Variants in NBEAL1 observed in about 807,000 individuals in gnomAD.
The protein encoded by NBEAL1 is neurobeachin-like protein 1.
In NBEAL1, 273 loss-of-function variants were observed where a neutral mutation model predicts 351.3. The ratio of observed to expected loss-of-function variants is 0.78; its 90% CI spans 0.70 to 0.86. NBEAL1 has a LOEUF of 0.86. NBEAL1 is among the 40% of genes least tolerant of loss of function. The pLI, the probability that NBEAL1 is intolerant of heterozygous loss-of-function variation, is 0.00. For synonymous variants in NBEAL1, 1,050 were observed against 1,086.4 expected, an observed-to-expected ratio of 0.97 and a Z score of 0.66; for missense variants, 2,961 against 3,201.3, an observed-to-expected ratio of 0.92 and a Z score of 1.81.
intron 44 of NBEAL1, among the ~76,000 whole-genome samples, chr2:203,183,740 A>G (rs1456219269): frequency 2.0e-5 from 3 of 152,148 alleles, no homozygotes; most frequent in African/African-American, 7.2e-5. Context: ...GGATGAGTAC[A>G]TTTTTGTTTT....
At chr2:203,091,606 ATG>A (rs2106187843) in intron 10 of NBEAL1, among the ~76,000 whole-genome samples, 1 of 152,274 alleles carries the variant, frequency 6.6e-6, no homozygotes, top group Non-Finnish European at 1.5e-5. Context: ...AAAGTTTTCA[ATG>A]TCTACACATC....
intron 35 of NBEAL1, among the ~76,000 whole-genome samples, chr2:203,156,049 A>G (rs1338201339): frequency 6.6e-6 from 1 of 152,168 alleles, no homozygotes; most frequent in African/African-American, 2.4e-5. Context: ...ACATTTCTGA[A>G]ACTGAATTTA....
intron 55 of NBEAL1, among the ~76,000 whole-genome samples, chr2:203,216,699 C>T (rs187530606): frequency 1.7e-4 from 26 of 152,142 alleles, no homozygotes; most frequent in African/African-American, 4.1e-4. Context: ...TTTGACATAA[C>T]GAGGCCATTA....
rs543168022 is a variant in NBEAL1, at chr2:203,071,348, G to A, written c.598+2873G>A. ...TGTCCTCACATGTTGGAAAAAGACT[G>A]TTGTCTCTTCCTCTTCTTACAAGGG... On this transcript the variant is annotated intron_variant, in intron 7 of 55. Transcript: ENST00000683969. Among the ~76,000 whole-genome samples, 224 of 152,282 alleles carry A rather than the reference G, an allele frequency of 1.5e-3. 1 individual carries two copies. Among genetic ancestry groups the A allele is most frequent in the African/African-American group, 5.2e-3 (218 of 41,568 alleles).
intron 6 of NBEAL1, among the ~76,000 whole-genome samples, chr2:203,066,561 A>C (rs889146464): frequency 1.3e-5 from 2 of 151,868 alleles, no homozygotes; most frequent in Admixed American, 6.6e-5. Context: ...CGCCATCGTC[A>C]TCATGGCCCG....
intron 54 of NBEAL1, among the ~76,000 whole-genome samples, chr2:203,212,740 A>T (rs2065821236): frequency 6.6e-6 from 1 of 152,176 alleles, no homozygotes; most frequent in African/African-American, 2.4e-5. Flanking sequence ...ATTAGCACGG[A>T]TCTGAGTAGT....
chr2:203,194,809 C>T lies in NBEAL1; in HGVS notation c.7038+898C>T, dbSNP rs74490479. ...ACCCTGCATTGCAATATCACTGCAG[C>T]GTGTTTCTCAGATTCAATACCATGG... On this transcript the variant is annotated intron_variant, in intron 47 of 55. Coordinates refer to ENST00000683969, the MANE Select transcript of NBEAL1 (RefSeq NM_001378026.1). Among the ~76,000 whole-genome samples, 1,402 of 152,112 alleles carry T rather than the reference C, an allele frequency of 9.2e-3. 17 individuals are homozygous for T. The highest frequency in any genetic ancestry group is 0.032 in the African/African-American group (1,316 of 41,472).
At chr2:203,046,309 G>A (rs181247827) in intron 3 of NBEAL1, among the ~76,000 whole-genome samples, 2,917 of 152,020 alleles carry the variant, frequency 0.019, 43 homozygotes, top group Middle Eastern at 0.048. Context: ...TCTGCCTCCC[G>A]GGTTCACGCC....
In NBEAL1 at chr2:203,135,780, A is replaced by G. The variant is rs1332243635; in HGVS notation, c.3917A>G (p.Glu1306Gly). 2 of 1,609,644 alleles carry G rather than the reference A, an allele frequency of 1.2e-6. No homozygotes were observed. The highest frequency in any genetic ancestry group is 1.7e-6 in the Non-Finnish European group (2 of 1,177,672). Residue 1306 changes from glutamate (E) to glycine (G), a missense_variant, in exon 28 of 56, where the codon GAA becomes GGA. By Grantham distance (98) the Glu-to-Gly change is moderately conservative. Coordinates refer to ENST00000683969, the MANE Select transcript of NBEAL1 (RefSeq NM_001378026.1). ...AGGCTTTTTTTAAAAGCAAAATTTGAAAACGGAAATACTCTTCATAAGCAC... is the reference window on the plus strand; with the variant it reads ...AGGCTTTTTTTAAAAGCAAAATTTGGAAACGGAAATACTCTTCATAAGCAC... Reference protein sequence around the residue: ...LVRLFLKAKFENGNTLHKHSR... With the variant: ...LVRLFLKAKFGNGNTLHKHSR...
At chr2:203,075,568 C>A (rs181578156) in intron 7 of NBEAL1, among the ~76,000 whole-genome samples, 179 of 152,250 alleles carry the variant, frequency 1.2e-3, no homozygotes, top group African/African-American at 4.2e-3. Flanking sequence ...ATACTGAGAC[C>A]CAAAATGAGC....
chr2:203,217,316 G>C lies in NBEAL1; in HGVS notation c.8134G>C (p.Ala2712Pro). Residue 2712 changes from alanine (A) to proline (P), a missense_variant, in exon 56 of 56, where the codon GCT (alanine) becomes CCT (proline). Coordinates refer to ENST00000683969, the MANE Select transcript of NBEAL1 (RefSeq NM_001378026.1). ...GAGCAAGCGGCTCAGCCAGATTTCA[G>C]CTGGAGAAACTGAATATAATACTCA... ...GSSKRLSQISAGETEYNTQDS... is the reference protein window; with the variant it reads ...GSSKRLSQISPGETEYNTQDS... 6.2e-7 allele frequency: 1 copy of C among 1,601,460 alleles called. No individual in the cohort carries two copies. The highest frequency in any genetic ancestry group is 1.3e-5 in the African/African-American group (1 of 74,688).
chr2:203,097,647 C>T lies in NBEAL1; in HGVS notation c.1185+14C>T. ...AATGAGGACCAGGTATCTACAAAGC[C>T]TGCATCTTGTTTCAGCTGAAGTCCA... On this transcript the variant is annotated intron_variant, in intron 11 of 55. Transcript: ENST00000683969. 1.0e-6 allele frequency: 1 copy of T among 979,672 alleles called. No homozygotes were observed. The allele number at this position is 979,672 out of a possible 1,614,324, so 60.7% of individuals were successfully genotyped here.
chr2:203,070,195 C>T (rs1438393805), intron 7 of NBEAL1, among the ~76,000 whole-genome samples: 1 of 145,640 alleles, frequency 6.9e-6, no homozygotes, highest in East Asian at 2.0e-4. Context: ...TGGACATTGA[C>T]TTTTTTTTTT....
At chr2:203,015,648 G>A (rs2060667013) in intron 1 of NBEAL1, 3 of 152,544 alleles carry the variant, frequency 2.0e-5, no homozygotes, top group African/African-American at 7.2e-5. Flanking sequence ...TTCTTTAGTA[G>A]AGACAGGGGT....
At chr2:203,111,648 G>A (rs188366689) in intron 15 of NBEAL1, among the ~76,000 whole-genome samples, 20 of 152,260 alleles carry the variant, frequency 1.3e-4, no homozygotes, top group African/African-American at 4.3e-4. Flanking sequence ...GAGCCACTGC[G>A]CCCAGCTGAT....
chr2:203,217,348 C>T lies in NBEAL1; in HGVS notation c.8166C>T (p.Ser2722=), dbSNP rs2065908292. 6.4e-7 allele frequency: 1 copy of T among 1,568,196 alleles called. No homozygotes were observed. The highest frequency in any genetic ancestry group is 1.4e-5 in the African/African-American group (1 of 72,874). ...AAACTGAATATAATACTCAAGATTC[C>T]AAGTGATTGTTATTTCCATTTTCTG... ...AGETEYNTQD[S]K Residue 2722 remains serine, a synonymous_variant, in exon 56 of 56, where the codon TCC becomes TCT. Transcript: ENST00000683969.
chr2:203,127,735 T>A, intron 23 of NBEAL1, 46 bp from the exon 24 acceptor site: 2 of 1,293,078 alleles, frequency 1.5e-6, no homozygotes, highest in Non-Finnish European at 2.2e-6. Flanking sequence ...AAAAAGGAAA[T>A]GTAAAAATTA....
At position 203,137,259 on chromosome 2, in the gene NBEAL1, A is replaced by T. The variant is rs1262915561; in HGVS notation, c.4565+485A>T. On this transcript the variant is annotated intron_variant, in intron 29 of 55. Coordinates refer to ENST00000683969, the MANE Select transcript of NBEAL1 (RefSeq NM_001378026.1). ...CCAACACAAATTCATAAACTTTCTT[A>T]AAAAATTATGAGATTTTTTTGTGAT... Among the ~76,000 whole-genome samples the T allele has an allele frequency of 3.9e-5, 6 of 152,232 alleles. 1 individual carries two copies. The highest frequency in any genetic ancestry group is 8.8e-5 in the Non-Finnish European group (6 of 68,044).
Position 203,217,681 on chromosome 2 carries a change from A to T in NBEAL1, c.*327A>T, listed in dbSNP as rs933635726. 12 of 964,106 alleles carry T rather than the reference A, an allele frequency of 1.2e-5. No homozygotes were observed. Among genetic ancestry groups the T allele is most frequent in the Non-Finnish European group, 2.5e-6 (2 of 807,276 alleles). 59.7% of individuals were successfully genotyped at this position (964,106 alleles called of 1,614,324 possible). ...ATTTTTCTAATAAAAGAGTACAGAT[A>T]ATGGGACAGTTGAGAGAGATGGCTT... is the stretch of plus-strand genomic sequence containing the variant. On this transcript the variant is annotated 3_prime_UTR_variant, in exon 56 of 56. Transcript: ENST00000683969.
Sources: allele counts gnomAD v4.1 joint callset (sites outside exome capture counted in the v4.1 genomes callset), GRCh38; gene constraint gnomAD v4.1.1; transcripts MANE v1.5; gene names NCBI Gene and HGNC (gene_info 2026-07-23, HGNC 2026-07-21).